Variants in HDLBP observed in about 807,000 individuals in gnomAD.
HDLBP encodes high density lipoprotein binding protein, also known as vigilin.
HDLBP carries 30 observed loss-of-function variants against 137.3 expected under a neutral mutation model. The ratio of observed to expected loss-of-function variants is 0.22; its 90% CI spans 0.16 to 0.30. The LOEUF (loss-of-function observed/expected upper bound fraction) is 0.30. Among genes scored for constraint, HDLBP ranks in the 10% least tolerant of loss-of-function variants. The pLI is 1.00. For missense variants in HDLBP, 1,119 were observed against 1,667.3 expected (o/e 0.67, Z 5.73); for synonymous variants, 606 against 596.0 (o/e 1.02, Z -0.24).
chr2:241,259,948 T>C (rs563965078), intron 5 of HDLBP, among the ~76,000 whole-genome samples: 15 of 152,168 alleles, frequency 9.9e-5, no homozygotes, highest in Non-Finnish European at 2.1e-4. Context: ...TGGAAGGAAA[T>C]ATGTAAGATT....
At chr2:241,249,201 G>T (rs1312444725) in intron 12 of HDLBP, among the ~76,000 whole-genome samples, 3 of 152,122 alleles carry the variant, frequency 2.0e-5, no homozygotes, top group Non-Finnish European at 4.4e-5. Context: ...ACTGGGGTGA[G>T]GTGAACAAAG....
At chr2:241,249,338 A>C (rs1406856031) in intron 12 of HDLBP, 3 of 471,120 alleles carry the variant, frequency 6.4e-6, no homozygotes, top group Non-Finnish European at 1.3e-5. Context: ...GAGACTTTCA[A>C]GTGTGGGTAT....
rs927812730 is a variant in HDLBP, at chr2:241,263,043, C to A, written c.235-117G>T. ...TCACAAAGCAGCCCCACCCTGCCCA[C>A]AGGCACTGCTCGAAGCCCTGGGATA... On this transcript the variant is annotated intron_variant, in intron 4 of 27. Coordinates refer to ENST00000310931, the MANE Select transcript of HDLBP (RefSeq NM_005336.6). 8 of 763,232 alleles carry A rather than the reference C, an allele frequency of 1.0e-5. No individual in the cohort carries two copies. The East Asian group carries it at 2.1e-4, about 20-fold the overall frequency. The allele number at this position is 763,232 out of a possible 1,614,324, so 47.3% of individuals were successfully genotyped here. A position where few individuals can be genotyped will look rare whatever the true frequency, so the allele number is the denominator to read the frequency against.
At position 241,253,426 on chromosome 2, in the gene HDLBP, G is replaced by C; in HGVS notation, c.1260C>G (p.Ala420=). ...TGACCATGCCTTCTATCTGTTCCTG[G>C]GCCACATTGACATCCTCTGTAGGGC... is the stretch of plus-strand genomic sequence containing the variant. The part of the protein sequence containing the change: ...LEGPTEDVNV[A]QEQIEGMVKD... Residue 420 remains alanine (A), a synonymous_variant, in exon 10 of 28, where the codon GCC becomes GCG. Coordinates refer to ENST00000310931, the MANE Select transcript of HDLBP (RefSeq NM_005336.6). The C allele has an allele frequency of 6.2e-7, 1 of 1,612,830 alleles. No homozygotes were observed. Among genetic ancestry groups the C allele is most frequent in the Non-Finnish European group, 8.5e-7 (1 of 1,178,866 alleles).
At position 241,272,748 on chromosome 2, in the gene HDLBP, G is replaced by A. The variant is rs1304673483; in HGVS notation, c.-102-4207C>T. On this transcript the variant is annotated intron_variant, in intron 1 of 27. Coordinates refer to ENST00000310931, the MANE Select transcript of HDLBP (RefSeq NM_005336.6). This position sits in a 1 kb window ranked among gnomAD's most constrained non-coding sequence, Gnocchi z 5.6. ...GCCCGCCCAGGCCTCCCAGCCCCGT[G>A]TTGCGCGCTCACTCGTGGGCCCCCG... is the stretch of plus-strand genomic sequence containing the variant. 9.9e-5 allele frequency: 35 copies of A among 353,058 alleles called. No individual in the cohort carries two copies. In the East Asian group the frequency reaches 5.2e-3, roughly 53 times the overall value. 21.9% of individuals were successfully genotyped at this position (353,058 alleles called of 1,614,324 possible).
chr2:241,236,537 C>A lies in HDLBP; in HGVS notation c.2904+78G>T, dbSNP rs138522347. On this transcript the variant is annotated intron_variant, in intron 21 of 27. Transcript: ENST00000310931. ...CTGCCGCTTGGGCAACCGTCCATCC[C>A]ATCCAGGCCACGCGTCTCCCCAGGT... The A allele has an allele frequency of 2.3e-4, 333 of 1,471,464 alleles. No homozygotes were observed. The African/African-American group carries it at 4.1e-3, about 18-fold the overall frequency. The allele number at this position is 1,471,464 out of a possible 1,614,324, so 91.2% of individuals were successfully genotyped here.
intron 9 of HDLBP, among the ~76,000 whole-genome samples, chr2:241,254,496 T>G (rs2072458165): frequency 6.6e-6 from 1 of 151,642 alleles, no homozygotes; most frequent in African/African-American, 2.4e-5. Context: ...ATTTTTTTTT[T>G]TTTTTTGAGA....
intron 3 of HDLBP, 155 bp downstream of exon 3, chr2:241,266,639 G>A: frequency 1.6e-6 from 1 of 621,306 alleles, no homozygotes; most frequent in Non-Finnish European, 2.9e-6. Context: ...TGCACGCACA[G>A]CAATGCGAAA....
chr2:241,253,294 T>C, intron 10 of HDLBP, 99 bp downstream of exon 10: 1 of 854,326 alleles, frequency 1.2e-6, no homozygotes, highest in Non-Finnish European at 2.0e-6. Flanking sequence ...TGGGTGTCTG[T>C]GCCCGGACAT....
chr2:241,258,638 G>GT (rs1255116935), intron 5 of HDLBP, among the ~76,000 whole-genome samples: 3 of 152,132 alleles, frequency 2.0e-5, no homozygotes, highest in Admixed American at 2.0e-4. Context: ...AAACTGAAAT[G>GT]TAAGAACACA....
chr2:241,279,704 G>GC (rs2149611858), intron 1 of HDLBP, among the ~76,000 whole-genome samples: 1 of 152,282 alleles, frequency 6.6e-6, no homozygotes, highest in East Asian at 1.9e-4. Flanking sequence ...GACACCATTT[G>GC]CAAGGCCTAT....
intron 1 of HDLBP, among the ~76,000 whole-genome samples, chr2:241,307,778 G>A (rs2075628956): frequency 1.3e-5 from 2 of 152,018 alleles, no homozygotes; most frequent in East Asian, 3.9e-4. Flanking sequence ...ATCTTTCCGA[G>A]TACCAAATAC....
chr2:241,308,780 T>G (rs1220998878), intron 1 of HDLBP, among the ~76,000 whole-genome samples: 1 of 152,168 alleles, frequency 6.6e-6, no homozygotes, highest in Non-Finnish European at 1.5e-5. Context: ...ACTTGCCTCC[T>G]ACAGGTGACA....
chr2:241,267,955 A>G, intron 2 of HDLBP: 2 of 985,246 alleles, frequency 2.0e-6, no homozygotes, highest in South Asian at 4.7e-5. Context: ...GGGTACATTC[A>G]GCATTCTGAG....
rs200936590 is a variant in HDLBP at position 241,245,187 on chromosome 2, CTTTTTTTTTTTTTT to C, written c.1950+1551_1950+1564del. ...AAATGCAAACATCATAATCTTTTTT[CTTTTTTTTTTTTTT>C]GAGACAAGGTCTGGCTCTATGGCCC... is the stretch of plus-strand genomic sequence containing the variant. On this transcript the variant is annotated intron_variant, in intron 16 of 27. Coordinates refer to ENST00000310931, the MANE Select transcript of HDLBP (RefSeq NM_005336.6). 3.5e-5 allele frequency among the ~76,000 whole-genome samples: 5 copies of C among 143,250 alleles called. No individual in the cohort carries two copies. In the East Asian group the frequency reaches 1.0e-3, roughly 29 times the overall value. The allele number at this position is 143,250 out of a possible 152,430, so 94.0% of individuals were successfully genotyped here.
At position 241,233,130 on chromosome 2, in the gene HDLBP, C is replaced by T. The variant is rs2069978701; in HGVS notation, c.3288+690G>A. ...GTGGCCACCAAGGCTTGCTAGTCTC[C>T]CACTGTGGGCAAAGCTGTGCTGGAC... On this transcript the variant is annotated intron_variant, in intron 24 of 27. Transcript: ENST00000310931. This position sits in a 1 kb window ranked among gnomAD's most constrained non-coding sequence, Gnocchi z 4.3. Among the ~76,000 whole-genome samples, 1 of 152,178 alleles carries T rather than the reference C, an allele frequency of 6.6e-6. No homozygotes were observed. Among genetic ancestry groups the T allele is most frequent in the Non-Finnish European group, 1.5e-5 (1 of 68,028 alleles).
intron 5 of HDLBP, 104 bp downstream of exon 5, chr2:241,262,607 T>C (rs2073295004): frequency 2.4e-6 from 2 of 817,244 alleles, no homozygotes; most frequent in Non-Finnish European, 4.1e-6. Context: ...GACGGAACTG[T>C]CCCACTGGTA....
At chr2:241,249,549 T>C (rs1350734584) in intron 12 of HDLBP, among the ~76,000 whole-genome samples, 4 of 152,194 alleles carry the variant, frequency 2.6e-5, no homozygotes, top group Admixed American at 1.3e-4. Flanking sequence ...TCACAATCTC[T>C]GGAGATGGTA....
intron 1 of HDLBP, among the ~76,000 whole-genome samples, chr2:241,312,303 C>T (rs1370720885): frequency 1.3e-5 from 2 of 152,216 alleles, no homozygotes; most frequent in Non-Finnish European, 2.9e-5. Context: ...TCATCTTCAA[C>T]GGTATTCGAG....
Sources: allele counts gnomAD v4.1 joint callset (sites outside exome capture counted in the v4.1 genomes callset), GRCh38; gene constraint gnomAD v4.1.1; non-coding constraint Gnocchi (gnomAD v3.1); transcripts MANE v1.5; gene names NCBI Gene and HGNC (gene_info 2026-07-23, HGNC 2026-07-21).